The following SH3RF3 variants were observed in gnomAD, a reference collection of about 807,000 sequenced individuals.
SH3RF3 encodes E3 ubiquitin-protein ligase SH3RF3.
SH3RF3 carries 29 observed loss-of-function variants against 66.3 expected under a neutral mutation model. That is an observed-to-expected ratio of 0.44 (90% CI 0.33 to 0.60). SH3RF3 has a LOEUF of 0.60. Among genes scored for constraint, SH3RF3 ranks in the 20% least tolerant of loss-of-function variants. The probability of loss-of-function intolerance (pLI) is 0.04; values close to 1 mark genes in which losing one functional copy is unlikely to be tolerated. For missense variants in SH3RF3, 1,194 were observed against 1,190.9 expected, an observed-to-expected ratio of 1.00 and a Z score of -0.04; for synonymous variants, 583 against 532.0, an observed-to-expected ratio of 1.10 and a Z score of -1.32.
intron 2 of SH3RF3, among the ~76,000 whole-genome samples, chr2:109,353,570 G>A (rs1224181222): frequency 6.6e-6 from 1 of 152,152 alleles, no homozygotes; most frequent in Non-Finnish European, 1.5e-5. Flanking sequence ...GTGGAGTGGG[G>A]TGCCCTGTGT....
At chr2:109,245,314 GGTC>G (rs1679888839) in intron 1 of SH3RF3, among the ~76,000 whole-genome samples, 1 of 151,946 alleles carries the variant, frequency 6.6e-6, no homozygotes, top group African/African-American at 2.4e-5. Flanking sequence ...CCATGCCTGT[GGTC>G]ATTCCCTCTG....
chr2:109,362,074 TTTC>T (rs1312336386), intron 2 of SH3RF3, among the ~76,000 whole-genome samples: 5 of 152,090 alleles, frequency 3.3e-5, no homozygotes, highest in African/African-American at 9.6e-5. Context: ...ATTTCATTGA[TTTC>T]TTCTATTTCT....
chr2:109,235,952 A>G (rs1252013159), intron 1 of SH3RF3, among the ~76,000 whole-genome samples: 1 of 152,210 alleles, frequency 6.6e-6, no homozygotes, highest in East Asian at 1.9e-4. Flanking sequence ...ACCTTGACCT[A>G]TTATAATATG....
chr2:109,271,358 T>C (rs1680621786), intron 1 of SH3RF3, among the ~76,000 whole-genome samples: 1 of 152,200 alleles, frequency 6.6e-6, no homozygotes. Flanking sequence ...CCTAGAGGGA[T>C]GTGCAAAGAA....
chr2:109,151,135 C>G (rs1210026340), intron 1 of SH3RF3, among the ~76,000 whole-genome samples: 1 of 152,172 alleles, frequency 6.6e-6, no homozygotes, highest in Non-Finnish European at 1.5e-5. Flanking sequence ...TCCTTGGGTT[C>G]TTGCTTATAT....
chr2:109,326,695 A>G (rs993233022), intron 1 of SH3RF3, among the ~76,000 whole-genome samples: 1 of 152,196 alleles, frequency 6.6e-6, no homozygotes, highest in Non-Finnish European at 1.5e-5. Context: ...TGAAAGATCT[A>G]TCTGTTCTTG....
At chr2:109,439,162 G>A (rs533029553) in intron 7 of SH3RF3, among the ~76,000 whole-genome samples, 1 of 152,156 alleles carries the variant, frequency 6.6e-6, no homozygotes, top group Non-Finnish European at 1.5e-5. Context: ...AGGCTGTGGG[G>A]CAGTGCAACA....
intron 1 of SH3RF3, among the ~76,000 whole-genome samples, chr2:109,151,669 C>T (rs1191446476): frequency 6.6e-6 from 1 of 152,230 alleles, no homozygotes; most frequent in Non-Finnish European, 1.5e-5. Flanking sequence ...GGTCACACTT[C>T]CCGGTTTCCA....
chr2:109,248,901 TG>T (rs1349239575), intron 1 of SH3RF3, among the ~76,000 whole-genome samples: 6 of 51,470 alleles, frequency 1.2e-4, no homozygotes, highest in African/African-American at 2.0e-4. Flanking sequence ...TGTCCTGTCC[TG>T]TCCTGTCCTG....
intron 1 of SH3RF3, among the ~76,000 whole-genome samples, chr2:109,246,087 G>A (rs1293741686): frequency 2.0e-5 from 3 of 152,230 alleles, no homozygotes; most frequent in African/African-American, 7.2e-5. Flanking sequence ...ATAACATTGG[G>A]CAAGTTACTT....
chr2:109,338,651 G>A lies in SH3RF3; in HGVS notation c.574-9023G>A, dbSNP rs1212679362. ...TGGCTCACTGCAACCTCTGCCTCCC[G>A]AGTTCAGGCAGTTCTCCTGCCTCAG... is the stretch of plus-strand genomic sequence containing the variant. On this transcript the variant is annotated intron_variant, in intron 1 of 9. Coordinates refer to ENST00000309415, the MANE Select transcript of SH3RF3 (RefSeq NM_001099289.3). Among the ~76,000 whole-genome samples, 5 of 152,202 alleles carry A rather than the reference G, an allele frequency of 3.3e-5. 1 individual carries two copies. Among genetic ancestry groups the A allele is most frequent in the Admixed American group, 1.3e-4 (2 of 15,286 alleles).
At chr2:109,244,123 C>G (rs1019132012) in intron 1 of SH3RF3, among the ~76,000 whole-genome samples, 1 of 152,142 alleles carries the variant, frequency 6.6e-6, no homozygotes, top group Non-Finnish European at 1.5e-5. Context: ...CTTGAACTTA[C>G]AATTCAGCAA....
intron 5 of SH3RF3, among the ~76,000 whole-genome samples, chr2:109,422,842 G>A (rs1000459371): frequency 2.0e-5 from 3 of 152,164 alleles, no homozygotes; most frequent in African/African-American, 4.8e-5. Context: ...AGGACCGGAG[G>A]AGGCAGGGAG....
chr2:109,419,726 G>A (rs1005535924), intron 5 of SH3RF3, 84 bp downstream of exon 5: 6 of 1,339,026 alleles, frequency 4.5e-6, no homozygotes, highest in Middle Eastern at 2.1e-4. Context: ...TGTGGTTTCC[G>A]CAGGGTTTTC....
intron 8 of SH3RF3, among the ~76,000 whole-genome samples, chr2:109,450,114 G>A (rs976705514): frequency 2.6e-5 from 4 of 152,216 alleles, no homozygotes; most frequent in South Asian, 2.1e-4. Flanking sequence ...GGGAGGCTGA[G>A]GCGGGCGGAT....
intron 1 of SH3RF3, among the ~76,000 whole-genome samples, chr2:109,287,034 C>T (rs1298467086): frequency 6.6e-6 from 1 of 152,188 alleles, no homozygotes. Flanking sequence ...ACTGCTCTTC[C>T]CTCTCAGCAA....
At chr2:109,443,154 A>G (rs539402393) in intron 7 of SH3RF3, among the ~76,000 whole-genome samples, 1 of 152,402 alleles carries the variant, frequency 6.6e-6, no homozygotes, top group East Asian at 1.9e-4. Context: ...GTGTGTACAC[A>G]TATCTCACAT....
In SH3RF3 at chr2:109,284,749, C is replaced by T. The variant is rs138125536; in HGVS notation, c.574-62925C>T. ...TGCACACCTCTGCAGGTGAAGTCCC[C>T]GCATGGCTAAGCACATGTGTGTGGA... On this transcript the variant is annotated intron_variant, in intron 1 of 9. Coordinates refer to ENST00000309415, the MANE Select transcript of SH3RF3 (RefSeq NM_001099289.3). 7.8e-3 allele frequency among the ~76,000 whole-genome samples: 1,189 copies of T among 152,238 alleles called. 19 individuals are homozygous for T. Among genetic ancestry groups the T allele is most frequent in the African/African-American group, 0.027 (1,105 of 41,552 alleles).
intron 1 of SH3RF3, among the ~76,000 whole-genome samples, chr2:109,172,832 G>C (rs183558915): frequency 6.6e-6 from 1 of 152,366 alleles, no homozygotes; most frequent in East Asian, 1.9e-4. Flanking sequence ...GCCTCGACTG[G>C]TGAGTATTGT....
Sources: allele counts gnomAD v4.1 joint callset (sites outside exome capture counted in the v4.1 genomes callset), GRCh38; gene constraint gnomAD v4.1.1; transcripts MANE v1.5; gene names NCBI Gene and HGNC (gene_info 2026-07-23, HGNC 2026-07-21).